ME2: variants seen among roughly 807,000 people sequenced by gnomAD.
ME2 encodes NAD-dependent malic enzyme, mitochondrial.
Under a neutral mutation model 73.7 loss-of-function variants are expected in ME2, and 60 were observed. That is an observed-to-expected ratio of 0.81 (90% CI 0.66 to 1.01). ME2 has a LOEUF of 1.01. ME2 is among the 50% of genes least tolerant of loss of function. ME2 has a pLI of 0.00. For missense variants in ME2, 594 were observed against 705.5 expected, an observed-to-expected ratio of 0.84 and a Z score of 1.79; for synonymous variants, 199 against 236.9, an observed-to-expected ratio of 0.84 and a Z score of 1.47.
chr18:50,880,135 A>G (rs796430521), intron 1 of ME2, among the ~76,000 whole-genome samples: 17 of 152,354 alleles, frequency 1.1e-4, no homozygotes, highest in African/African-American at 3.8e-4. Context: ...GATAACGATA[A>G]CAATAGTAGC....
rs200088300 is a variant in ME2 at position 50,920,726 on chromosome 18, G to A, written c.910G>A (p.Glu304Lys). The A allele has an allele frequency of 5.2e-5, 83 of 1,611,530 alleles. No individual in the cohort carries two copies. The highest frequency in any genetic ancestry group is 6.6e-5 in the South Asian group (6 of 90,850). ...AAAAGTTATTAGTAAACCAATCTCC[G>A]AACACAAAATCTTATTCCTTGGAGC... ...AQKVISKPISEHKILFLGAGE... is the reference protein window; with the variant it reads ...AQKVISKPISKHKILFLGAGE... Residue 304 changes from glutamate (E) to lysine (K), a missense_variant, in exon 9 of 16, where the codon GAA becomes AAA. Coordinates refer to ENST00000321341, the MANE Select transcript of ME2 (RefSeq NM_002396.5).
At chr18:50,931,775 A>T (rs1250546542) in intron 12 of ME2, among the ~76,000 whole-genome samples, 1 of 151,832 alleles carries the variant, frequency 6.6e-6, no homozygotes, top group Non-Finnish European at 1.5e-5. Context: ...CCTGGGTTCA[A>T]GTGATTCTCC....
chr18:50,906,602 C>T (rs536120261), intron 2 of ME2, among the ~76,000 whole-genome samples: 26 of 152,288 alleles, frequency 1.7e-4, no homozygotes, highest in South Asian at 6.2e-4. Flanking sequence ...CATGAGCCAC[C>T]GTGCCTGGCC....
chr18:50,890,295 G>A (rs892381707), intron 1 of ME2, among the ~76,000 whole-genome samples: 9 of 151,916 alleles, frequency 5.9e-5, no homozygotes, highest in African/African-American at 1.5e-4. Flanking sequence ...TGTACTTTTT[G>A]TAGAGACAAG....
At chr18:50,898,246 T>C (rs1411858956) in intron 2 of ME2, among the ~76,000 whole-genome samples, 1 of 152,256 alleles carries the variant, frequency 6.6e-6, no homozygotes, top group African/African-American at 2.4e-5. Context: ...ACTCAAGGTA[T>C]ACCTGCTCTT....
At chr18:50,944,594 T>A (rs894045075) in intron 15 of ME2, among the ~76,000 whole-genome samples, 44 of 152,228 alleles carry the variant, frequency 2.9e-4, no homozygotes, top group African/African-American at 1.0e-3. Flanking sequence ...GTAATCTTTT[T>A]CTGTGGTTAC....
At chr18:50,906,377 A>T (rs560462800) in intron 2 of ME2, among the ~76,000 whole-genome samples, 2 of 152,186 alleles carry the variant, frequency 1.3e-5, no homozygotes, top group East Asian at 3.9e-4. Flanking sequence ...CAGGGGCATG[A>T]TCTTGGCTCA....
At chr18:50,914,902 T>G (rs1301545919) in intron 4 of ME2, among the ~76,000 whole-genome samples, 1 of 152,202 alleles carries the variant, frequency 6.6e-6, no homozygotes, top group African/African-American at 2.4e-5. Flanking sequence ...CTGGATTGAT[T>G]ATCTGAATTA....
At chr18:50,903,222 C>G (rs1279122920) in intron 2 of ME2, among the ~76,000 whole-genome samples, 1 of 152,170 alleles carries the variant, frequency 6.6e-6, no homozygotes, top group East Asian at 1.9e-4. Context: ...TCATTTTAAA[C>G]TAATGTCATC....
intron 1 of ME2, among the ~76,000 whole-genome samples, chr18:50,880,743 A>G (rs1308761856): frequency 6.6e-6 from 1 of 152,168 alleles, no homozygotes. Flanking sequence ...ATCATGCATT[A>G]ATAGGAAATG....
chr18:50,918,879 A>G (rs584357), intron 7 of ME2, among the ~76,000 whole-genome samples: 99,680 of 151,908 alleles, frequency 0.66, 32,855 homozygotes, highest in South Asian at 0.78. Flanking sequence ...ATTTCTAATA[A>G]TCAGAATCTT....
intron 6 of ME2, among the ~76,000 whole-genome samples, chr18:50,917,850 T>C (rs972794837): frequency 1.3e-5 from 2 of 151,912 alleles, no homozygotes; most frequent in Non-Finnish European, 1.5e-5. Context: ...TGGCACATGC[T>C]TGTAATCCCA....
chr18:50,897,636 G>A (rs1035702485), intron 2 of ME2, among the ~76,000 whole-genome samples: 5 of 152,050 alleles, frequency 3.3e-5, no homozygotes, highest in African/African-American at 9.7e-5. Context: ...TGAGGTGGGC[G>A]GATCACCTGA....
At chr18:50,935,729 G>C (rs1330145623) in intron 13 of ME2, 1 of 139,638 alleles carries the variant, frequency 7.2e-6, no homozygotes, top group African/African-American at 2.7e-5. Flanking sequence ...TCCAGCCTGG[G>C]TGACAGAGCA....
intron 15 of ME2, among the ~76,000 whole-genome samples, chr18:50,941,662 AC>A (rs934769309): frequency 1.0e-4 from 15 of 143,834 alleles, no homozygotes; most frequent in Non-Finnish European, 3.0e-5. Context: ...GGCGTGAGCC[AC>A]CACGCCCGGG....
rs1917590433 is a variant in ME2, at chr18:50,927,721, C to CATGTATATATATATATAT, written c.1314+1825_1314+1826insGTATATATATATATATAT. Among the ~76,000 whole-genome samples, 4 of 85,448 alleles carry CATGTATATATATATATAT rather than the reference C, an allele frequency of 4.7e-5. No homozygotes were observed. The East Asian group carries it at 1.4e-3, about 31-fold the overall frequency. 56.1% of individuals were successfully genotyped at this position (85,448 alleles called of 152,430 possible). A position where few individuals can be genotyped will look rare whatever the true frequency, so the allele number is the denominator to read the frequency against. On this transcript the variant is annotated intron_variant, in intron 12 of 15. Transcript: ENST00000321341. ...CATCTCAAAAAAAACCCCAAAAAAC[C>CATGTATATATATATATAT]ATATATATATATATATATATATATA...
intron 3 of ME2, among the ~76,000 whole-genome samples, chr18:50,910,268 C>CAAA (rs74176794): frequency 0.021 from 703 of 33,556 alleles, 24 homozygotes; most frequent in African/African-American, 0.031. Flanking sequence ...CCTGTTTCTA[C>CAAA]AAAAAAAAAA....
At chr18:50,938,766 A>G (rs1917873054) in intron 13 of ME2, among the ~76,000 whole-genome samples, 1 of 152,200 alleles carries the variant, frequency 6.6e-6, no homozygotes, top group Non-Finnish European at 1.5e-5. Flanking sequence ...CCAGACCAGA[A>G]TGGAGCTTTA....
intron 10 of ME2, among the ~76,000 whole-genome samples, chr18:50,923,592 C>G (rs949506832): frequency 6.6e-6 from 1 of 151,948 alleles, no homozygotes; most frequent in African/African-American, 2.4e-5. Context: ...AACCCCATCT[C>G]TACAAAAAAA....
Sources: allele counts gnomAD v4.1 joint callset (sites outside exome capture counted in the v4.1 genomes callset), GRCh38; gene constraint gnomAD v4.1.1; transcripts MANE v1.5; gene names NCBI Gene and HGNC (gene_info 2026-07-23, HGNC 2026-07-21).